TMEM232: variants seen among roughly 807,000 people sequenced by gnomAD.
TMEM232 encodes transmembrane protein 232.
A neutral mutation model predicts 78.8 loss-of-function variants in TMEM232; 80 were observed. The observed-to-expected ratio is 1.01, with a 90% CI of 0.85 to 1.22. The LOEUF is 1.22. Among genes scored for constraint, TMEM232 ranks in the 50% most tolerant of loss-of-function variants. TMEM232 has a pLI of 0.00. For synonymous variants in TMEM232, 297 were observed against 254.3 expected (o/e 1.17, Z -1.60); for missense variants, 881 against 742.2 (o/e 1.19, Z -2.17).
intron 1 of TMEM232, among the ~76,000 whole-genome samples, chr5:110,685,850 A>G (rs893402257): frequency 9.2e-5 from 14 of 152,176 alleles, no homozygotes; most frequent in African/African-American, 2.9e-4. Context: ...AACGACATGC[A>G]TAAATCTCAA....
intron 10 of TMEM232, among the ~76,000 whole-genome samples, chr5:110,589,649 C>T (rs558567170): frequency 2.1e-4 from 32 of 151,928 alleles, no homozygotes; most frequent in South Asian, 2.1e-3. Flanking sequence ...TTTTCTCGCT[C>T]GAAAATGGGG....
At chr5:110,404,470 T>A (rs1031915025) in intron 2 of TMEM232, among the ~76,000 whole-genome samples, 3 of 152,094 alleles carry the variant, frequency 2.0e-5, no homozygotes, top group African/African-American at 7.2e-5. Context: ...AAAACTCTAC[T>A]CTGAAAAAAG....
chr5:110,530,434 T>C lies in TMEM232; in HGVS notation c.1456-1599A>G, dbSNP rs185831407. The stretch of plus-strand genomic sequence containing the variant: ...AGAGAGAGCTGCCCTGCCATGTTTA[T>C]TGCAACATTACTCTCAATAGCCAAG... On this transcript the variant is annotated intron_variant, in intron 11 of 13. Coordinates refer to ENST00000455884, the MANE Select transcript of TMEM232 (RefSeq NM_001039763.4). Among the ~76,000 whole-genome samples, 26 of 152,346 alleles carry C rather than the reference T, an allele frequency of 1.7e-4. No homozygotes were observed. The East Asian group carries it at 2.7e-3, about 16-fold the overall frequency.
At chr5:110,545,950 C>T (rs1291011503) in intron 11 of TMEM232, among the ~76,000 whole-genome samples, 1 of 152,082 alleles carries the variant, frequency 6.6e-6, no homozygotes, top group Non-Finnish European at 1.5e-5. Flanking sequence ...TCAAACAAAG[C>T]ACATCAATTA....
At position 110,568,480 on chromosome 5, in the gene TMEM232, A is replaced by G; in HGVS notation, c.1422T>C (p.Asp474=). 5 of 1,548,188 alleles carry G rather than the reference A, an allele frequency of 3.2e-6. No homozygotes were observed. Among genetic ancestry groups the G allele is most frequent in the Non-Finnish European group, 4.4e-6 (5 of 1,145,204 alleles). Residue 474 remains aspartate, a synonymous_variant, in exon 11 of 14, where the codon GAT becomes GAC. Coordinates refer to ENST00000455884, the MANE Select transcript of TMEM232 (RefSeq NM_001039763.4). ...TLQKTKDYEE[D]VRIQNAINIA... ...TATTGATTGCATTTTGGATTCGTAC[A>G]TCTTCCTCATAATCCTTTGTTTTCT...
intron 9 of TMEM232, 119 bp downstream of exon 9, chr5:110,606,045 T>G: frequency 1.1e-6 from 1 of 905,160 alleles, no homozygotes; most frequent in Non-Finnish European, 1.5e-6. Flanking sequence ...TTTAATTAAA[T>G]TTATTATTAT....
intron 12 of TMEM232, among the ~76,000 whole-genome samples, chr5:110,454,808 C>A (rs963309991): frequency 6.9e-6 from 1 of 145,982 alleles, no homozygotes; most frequent in African/African-American, 2.7e-5. Context: ...AAATTAAACC[C>A]TTAGAAGGAA....
At chr5:110,738,099 C>G, upstream of TMEM232, 1 of 524,186 alleles carries the variant, frequency 1.9e-6, no homozygotes, top group South Asian at 2.5e-5. Context: ...TCTGGAAGAT[C>G]GAGAACTGCA....
chr5:110,667,545 C>A (rs887547045), intron 1 of TMEM232, 181 bp from the exon 2 acceptor site: 1 of 401,802 alleles, frequency 2.5e-6, no homozygotes, highest in South Asian at 4.5e-5. Context: ...GAAATAAGTA[C>A]AAAAAGTTAC....
At chr5:110,600,820 C>T (rs1385145507) in intron 10 of TMEM232, among the ~76,000 whole-genome samples, 1 of 152,136 alleles carries the variant, frequency 6.6e-6, no homozygotes, top group Non-Finnish European at 1.5e-5. Context: ...ATGAGGCCAG[C>T]ATCATCCTGA....
chr5:110,406,436 G>C (rs1755797248), intron 2 of TMEM232, among the ~76,000 whole-genome samples: 1 of 151,876 alleles, frequency 6.6e-6, no homozygotes, highest in African/African-American at 2.4e-5. Context: ...TTAATATATG[G>C]ATTTCTCTTC....
intron 11 of TMEM232, among the ~76,000 whole-genome samples, chr5:110,557,794 A>T (rs1015374007): frequency 1.3e-5 from 2 of 152,148 alleles, no homozygotes; most frequent in Non-Finnish European, 2.9e-5. Flanking sequence ...CAGGCCCCAT[A>T]TCTAGCACTG....
Position 110,470,968 on chromosome 5 carries a change from T to C in TMEM232, c.1704-46052A>G, listed in dbSNP as rs77914496. 8.6e-4 allele frequency among the ~76,000 whole-genome samples: 131 copies of C among 152,234 alleles called. 1 individual carries two copies. The highest frequency in any genetic ancestry group is 3.1e-3 in the African/African-American group (129 of 41,558). On this transcript the variant is annotated intron_variant, in intron 12 of 13. Coordinates refer to ENST00000455884, the MANE Select transcript of TMEM232 (RefSeq NM_001039763.4). ...TAAGGAAACTCAGTGAGATACAAGATAATACAGATAGACAATTTGGTTAAA... is the reference window on the plus strand; with the variant it reads ...TAAGGAAACTCAGTGAGATACAAGACAATACAGATAGACAATTTGGTTAAA...
chr5:110,650,722 A>G (rs1788185584), intron 2 of TMEM232, among the ~76,000 whole-genome samples: 1 of 152,158 alleles, frequency 6.6e-6, no homozygotes, highest in African/African-American at 2.4e-5. Flanking sequence ...CAAAGGAGAC[A>G]TTATAACTAA....
At chr5:110,715,014 A>G (rs553362616) in intron 1 of TMEM232, among the ~76,000 whole-genome samples, 15 of 152,280 alleles carry the variant, frequency 9.9e-5, no homozygotes, top group African/African-American at 3.4e-4. Context: ...AAATATGAAT[A>G]AGACATATTT....
intron 1 of TMEM232, among the ~76,000 whole-genome samples, chr5:110,697,875 G>A (rs1794983782): frequency 6.6e-6 from 1 of 152,194 alleles, no homozygotes; most frequent in East Asian, 1.9e-4. Flanking sequence ...GGAAGTCAGT[G>A]TGGCGATTCC....
intron 1 of TMEM232, among the ~76,000 whole-genome samples, chr5:110,696,609 A>G (rs897060559): frequency 6.6e-6 from 1 of 152,232 alleles, no homozygotes; most frequent in Non-Finnish European, 1.5e-5. Context: ...GCAAAGTCTC[A>G]GGATACAAAA....
intron 2 of TMEM232, among the ~76,000 whole-genome samples, chr5:110,653,740 T>A (rs540946270): frequency 6.6e-6 from 1 of 152,164 alleles, no homozygotes; most frequent in African/African-American, 2.4e-5. Flanking sequence ...GACATCAAGA[T>A]AATTGGACGG....
chr5:110,602,447 C>T (rs766175873), intron 10 of TMEM232, among the ~76,000 whole-genome samples: 23 of 149,892 alleles, frequency 1.5e-4, no homozygotes, highest in Non-Finnish European at 2.4e-4. Flanking sequence ...AACAAATTTA[C>T]AAGAAAAAAA....
Sources: gnomAD v4.1 joint callset for allele counts (sites outside exome capture counted in the v4.1 genomes callset) on GRCh38, gnomAD v4.1.1 for gene constraint, MANE v1.5 for transcripts, NCBI Gene and HGNC (gene_info 2026-07-23, HGNC 2026-07-21) for gene names.